MRAS: variants seen among roughly 807,000 people sequenced by gnomAD.
MRAS encodes the protein muscle RAS oncogene homolog.
In MRAS, 4 loss-of-function variants were observed where a neutral mutation model predicts 20.9. That is an observed-to-expected ratio of 0.19 (90% CI 0.09 to 0.44). MRAS has a LOEUF of 0.44. MRAS is among the 20% of genes least tolerant of loss of function. The probability of loss-of-function intolerance (pLI) is 0.99; values close to 1 mark genes in which losing one functional copy is unlikely to be tolerated. For synonymous variants in MRAS, 98 were observed against 102.9 expected, an observed-to-expected ratio of 0.95 and a Z score of 0.29; for missense variants, 154 against 277.5, an observed-to-expected ratio of 0.56 and a Z score of 3.16.
chr3:138,363,819 A>AAC (rs2054501005), intron 1 of MRAS, among the ~76,000 whole-genome samples: 41 of 32,908 alleles, frequency 1.2e-3, no homozygotes, highest in Non-Finnish European at 1.6e-3. Flanking sequence ...TAGAGGATTT[A>AAC]CCCCCCCCCC....
At chr3:138,357,276 C>T (rs1274666551) in intron 1 of MRAS, among the ~76,000 whole-genome samples, 1 of 152,240 alleles carries the variant, frequency 6.6e-6, no homozygotes, top group Non-Finnish European at 1.5e-5. Flanking sequence ...AGGGAGGGGT[C>T]TGAGGCCACC....
intron 1 of MRAS, among the ~76,000 whole-genome samples, chr3:138,356,904 G>A (rs986593775): frequency 2.8e-4 from 43 of 151,144 alleles, no homozygotes; most frequent in African/African-American, 7.7e-4. Flanking sequence ...CCGTCCCCCC[G>A]TCCCACCCAC....
chr3:138,398,741 A>C (rs1399201389), intron 4 of MRAS, among the ~76,000 whole-genome samples, 173 bp downstream of exon 4: 1 of 152,206 alleles, frequency 6.6e-6, no homozygotes, highest in Non-Finnish European at 1.5e-5. Flanking sequence ...GGTAATGCAC[A>C]TCAGTGTTTC....
At chr3:138,397,277 T>C (rs2055256732) in intron 2 of MRAS, 47 bp from the exon 3 acceptor site, 2 of 1,601,626 alleles carry the variant, frequency 1.2e-6, no homozygotes, top group Non-Finnish European at 1.7e-6. Context: ...CTGTGGGGGC[T>C]ACAGGGTAGG....
At chr3:138,390,459 A>G (rs1197359805) in intron 2 of MRAS, among the ~76,000 whole-genome samples, 1 of 152,156 alleles carries the variant, frequency 6.6e-6, no homozygotes, top group African/African-American at 2.4e-5. Context: ...ACGCACACGC[A>G]CACGCACATT....
intron 2 of MRAS, among the ~76,000 whole-genome samples, chr3:138,384,244 C>T (rs917965189): frequency 1.3e-5 from 2 of 152,136 alleles, no homozygotes. Context: ...CTTCTCAGTT[C>T]CTTATCCTGC....
intron 2 of MRAS, among the ~76,000 whole-genome samples, chr3:138,391,010 T>C (rs536647854): frequency 1.1e-4 from 17 of 152,330 alleles, no homozygotes; most frequent in African/African-American, 4.1e-4. Context: ...CAAATGCTTG[T>C]CTTTTTTTCT....
At chr3:138,370,867 C>T (rs2054660752) in intron 1 of MRAS, among the ~76,000 whole-genome samples, 1 of 151,262 alleles carries the variant, frequency 6.6e-6, no homozygotes, top group African/African-American at 2.4e-5. Context: ...TGCCTGGATC[C>T]ACACCTGGCA....
rs935237097 is a variant in MRAS, at chr3:138,365,862, C to T, written c.-18-7004C>T. 2.6e-5 allele frequency among the ~76,000 whole-genome samples: 4 copies of T among 152,192 alleles called. No individual in the cohort carries two copies. The South Asian group carries it at 6.2e-4, about 24-fold the overall frequency. On this transcript the variant is annotated intron_variant, in intron 1 of 5. Transcript: ENST00000423968. ...GCTCTGGGAATGGGGGGGAGCAGCA[C>T]CCATGCCACCTACTTGCCCTTGAGA...
chr3:138,378,201 C>T (rs1051373158), intron 2 of MRAS, among the ~76,000 whole-genome samples: 79 of 152,238 alleles, frequency 5.2e-4, no homozygotes, highest in African/African-American at 1.8e-3. Context: ...CTCAGTCTCA[C>T]GTCAGAGATT....
rs145332493 is a variant in MRAS, at chr3:138,384,202, G to T, written c.193+11126G>T. 4.2e-4 allele frequency among the ~76,000 whole-genome samples: 64 copies of T among 152,212 alleles called. No individual in the cohort carries two copies. In the Middle Eastern group the frequency reaches 0.01, roughly 24 times the overall value. On this transcript the variant is annotated intron_variant, in intron 2 of 5. Coordinates refer to ENST00000423968, the MANE Select transcript of MRAS (RefSeq NM_001085049.3). ...CATTGGAGGATTTTGAGCAGAGGAA[G>T]GACATGATCTAACATGTTTAAAACG...
intron 3 of MRAS, among the ~76,000 whole-genome samples, chr3:138,397,994 G>A (rs2055277299): frequency 1.3e-5 from 2 of 152,204 alleles, no homozygotes; most frequent in African/African-American, 4.8e-5. Context: ...TTTTTAAAAT[G>A]GAAATACCCA....
At chr3:138,382,603 G>T (rs2054927993) in intron 2 of MRAS, among the ~76,000 whole-genome samples, 1 of 152,188 alleles carries the variant, frequency 6.6e-6, no homozygotes, top group Non-Finnish European at 1.5e-5. Context: ...CACTAGCCAG[G>T]CTGGGAGCTG....
At chr3:138,382,030 G>A (rs2054916622) in intron 2 of MRAS, among the ~76,000 whole-genome samples, 1 of 152,200 alleles carries the variant, frequency 6.6e-6, no homozygotes, top group African/African-American at 2.4e-5. Context: ...TAAGAATGGG[G>A]TGCAGGCAGA....
chr3:138,365,260 T>C lies in MRAS; in HGVS notation c.-18-7606T>C, dbSNP rs189217333. Among the ~76,000 whole-genome samples the C allele has an allele frequency of 1.7e-4, 26 of 152,376 alleles. No homozygotes were observed. The East Asian group carries it at 1.7e-3, about 10-fold the overall frequency. ...CCTATTGCTTTTAACGTGATCACTA[T>C]TGAATTATAATTGTCATGGCAGGTG... On this transcript the variant is annotated intron_variant, in intron 1 of 5. Coordinates refer to ENST00000423968, the MANE Select transcript of MRAS (RefSeq NM_001085049.3).
intron 2 of MRAS, 60 bp from the exon 3 acceptor site, chr3:138,397,264 A>T (rs554153362): frequency 6.3e-7 from 1 of 1,583,402 alleles, no homozygotes; most frequent in East Asian, 2.3e-5. Context: ...GGAGTCTTGC[A>T]GGCTGTGGGG....
At chr3:138,352,531 T>A (rs2054249065) in intron 1 of MRAS, among the ~76,000 whole-genome samples, 1 of 152,196 alleles carries the variant, frequency 6.6e-6, no homozygotes, top group South Asian at 2.1e-4. Flanking sequence ...TAAAAATGTA[T>A]TTTTTGTATT....
In MRAS at chr3:138,381,682, C is replaced by T. The variant is rs527633179; in HGVS notation, c.193+8606C>T. ...CCCAGCTCCGCAACCTCTCTGTCTCCGACTCCCCAGCAAGTGCCCAGTGTT... is the reference window on the plus strand; with the variant it reads ...CCCAGCTCCGCAACCTCTCTGTCTCTGACTCCCCAGCAAGTGCCCAGTGTT... On this transcript the variant is annotated intron_variant, in intron 2 of 5. Coordinates refer to ENST00000423968, the MANE Select transcript of MRAS (RefSeq NM_001085049.3). Among the ~76,000 whole-genome samples, 8 of 152,324 alleles carry T rather than the reference C, an allele frequency of 5.3e-5. No individual in the cohort carries two copies. The South Asian group carries it at 1.2e-3, about 24-fold the overall frequency.
chr3:138,391,560 T>C (rs1319358019), intron 2 of MRAS, among the ~76,000 whole-genome samples: 1 of 152,240 alleles, frequency 6.6e-6, no homozygotes, highest in Non-Finnish European at 1.5e-5. Context: ...TGAACTTTGT[T>C]TTATGCACAA....
Sources: allele counts gnomAD v4.1 joint callset (sites outside exome capture counted in the v4.1 genomes callset), GRCh38; gene constraint gnomAD v4.1.1; transcripts MANE v1.5; gene names NCBI Gene and HGNC (gene_info 2026-07-23, HGNC 2026-07-21).